Variants in CCDC172 observed in about 807,000 individuals in gnomAD.
CCDC172 encodes coiled-coil domain containing 172, also known as coiled-coil domain-containing protein 172.
CCDC172 carries 30 observed loss-of-function variants against 38.0 expected under a neutral mutation model. That is an observed-to-expected ratio of 0.79 (90% CI 0.59 to 1.07). The LOEUF (loss-of-function observed/expected upper bound fraction) is 1.07, where lower values mean the gene tolerates loss of function less well. Ranked by LOEUF, CCDC172 falls within the 50% of genes least tolerant of loss-of-function variation. CCDC172 has a pLI of 0.00. For missense variants in CCDC172, 297 were observed against 290.1 expected, an observed-to-expected ratio of 1.02 and a Z score of -0.17; for synonymous variants, 78 against 88.3, an observed-to-expected ratio of 0.88 and a Z score of 0.66.
chr10:116,354,927 TAAG>T (rs1241772057), intron 5 of CCDC172, among the ~76,000 whole-genome samples: 1 of 152,210 alleles, frequency 6.6e-6, no homozygotes, highest in Non-Finnish European at 1.5e-5. Flanking sequence ...AAAAAAAGTT[TAAG>T]AAGTAAAACA....
chr10:116,339,489 A>G (rs1476184682), intron 3 of CCDC172, among the ~76,000 whole-genome samples: 1 of 151,806 alleles, frequency 6.6e-6, no homozygotes, highest in Non-Finnish European at 1.5e-5. Flanking sequence ...CTGTCTTCTG[A>G]GACAGAAAAA....
intron 5 of CCDC172, among the ~76,000 whole-genome samples, chr10:116,352,478 T>C (rs930187089): frequency 1.3e-5 from 2 of 152,186 alleles, no homozygotes; most frequent in African/African-American, 4.8e-5. Flanking sequence ...ATTCTAAGTA[T>C]ACTCAAGGAC....
Position 116,379,414 on chromosome 10 carries a change from T to C in CCDC172, c.*56T>C. 1 of 1,237,162 alleles carries C rather than the reference T, an allele frequency of 8.1e-7. No homozygotes were observed. Among genetic ancestry groups the C allele is most frequent in the Non-Finnish European group, 1.1e-6 (1 of 873,604 alleles). The allele number at this position is 1,237,162 out of a possible 1,614,324, so 76.6% of individuals were successfully genotyped here. Reference sequence around the variant, plus strand: ...TTGATCAGAATATCTGAGAATCAAATCTTTGTGATAGATATATGAATGGTA... The same window carrying C: ...TTGATCAGAATATCTGAGAATCAAACCTTTGTGATAGATATATGAATGGTA... On this transcript the variant is annotated 3_prime_UTR_variant, in exon 9 of 9. Coordinates refer to ENST00000333254, the MANE Select transcript of CCDC172 (RefSeq NM_198515.3).
chr10:116,366,651 C>T (rs1473266103), intron 7 of CCDC172, among the ~76,000 whole-genome samples: 4 of 152,114 alleles, frequency 2.6e-5, no homozygotes, highest in African/African-American at 4.8e-5. Context: ...GCTGCTGGTG[C>T]ACATATGCAA....
intron 3 of CCDC172, among the ~76,000 whole-genome samples, chr10:116,330,054 A>G (rs1844640868): frequency 6.6e-6 from 1 of 152,134 alleles, no homozygotes; most frequent in Admixed American, 6.5e-5. Flanking sequence ...CTGAAACGCC[A>G]TTTTTACTTA....
rs191275643 is a variant in CCDC172 at position 116,353,066 on chromosome 10, G to A, written c.449-4314G>A. ...AAATTAGCCGGGCATGGTGGTGGGC[G>A]CCTGTAGTCCCAGCTACTCAGGAGT... On this transcript the variant is annotated intron_variant, in intron 5 of 8. Transcript: ENST00000333254. 1.3e-3 allele frequency among the ~76,000 whole-genome samples: 197 copies of A among 152,058 alleles called. 4 individuals are homozygous for A. The East Asian group carries it at 0.021, about 16-fold the overall frequency.
At chr10:116,356,396 A>AAGGAAGGAAGGAAGGAAGGAAGGG (rs1844997753) in intron 5 of CCDC172, among the ~76,000 whole-genome samples, 1 of 151,614 alleles carries the variant, frequency 6.6e-6, no homozygotes, top group Admixed American at 6.6e-5. Context: ...GGGAGGAAGG[A>AAGGAAGGAAGGAAGGAAGGAAGGG]AGGAAGGAAG....
chr10:116,348,577 C>T (rs1223698580), intron 5 of CCDC172, among the ~76,000 whole-genome samples: 1 of 152,104 alleles, frequency 6.6e-6, no homozygotes, highest in Non-Finnish European at 1.5e-5. Context: ...CCTATTCTTA[C>T]TCCTTGAGAT....
intron 7 of CCDC172, among the ~76,000 whole-genome samples, chr10:116,373,644 A>G: frequency 6.6e-6 from 1 of 152,080 alleles, no homozygotes; most frequent in African/African-American, 2.4e-5. Context: ...AGCTGGGATT[A>G]CAGGCGTGTG....
At chr10:116,347,231 C>T (rs773185582) in intron 5 of CCDC172, among the ~76,000 whole-genome samples, 18 of 152,062 alleles carry the variant, frequency 1.2e-4, no homozygotes, top group Non-Finnish European at 2.2e-4. Flanking sequence ...GAGTCTAAGA[C>T]GGCTTCATGA....
At chr10:116,325,524 A>G (rs1186351226) in intron 3 of CCDC172, 136 bp downstream of exon 3, 1 of 637,360 alleles carries the variant, frequency 1.6e-6, no homozygotes, top group Admixed American at 3.1e-5. Context: ...TTTTAGTTCC[A>G]TGTTGCCTGG....
chr10:116,354,656 G>A (rs545113679), intron 5 of CCDC172, among the ~76,000 whole-genome samples: 14 of 152,314 alleles, frequency 9.2e-5, no homozygotes, highest in East Asian at 5.8e-4. Context: ...CCCAGGAGGC[G>A]GAGGCGGAGG....
intron 7 of CCDC172, among the ~76,000 whole-genome samples, chr10:116,376,634 G>C (rs561700528): frequency 6.7e-6 from 1 of 150,114 alleles, no homozygotes; most frequent in Non-Finnish European, 1.5e-5. Context: ...AAACTTGTAT[G>C]ATATTAGTAC....
chr10:116,325,409 C>T (rs775492195), intron 3 of CCDC172, 21 bp downstream of exon 3: 1 of 1,576,582 alleles, frequency 6.3e-7, no homozygotes, highest in Non-Finnish European at 8.7e-7. Context: ...GTAAAGCATA[C>T]TAATTATCAC....
At chr10:116,361,961 G>T (rs1043364782) in intron 7 of CCDC172, among the ~76,000 whole-genome samples, 2 of 152,156 alleles carry the variant, frequency 1.3e-5, no homozygotes, top group Admixed American at 1.3e-4. Flanking sequence ...GGCCAACGGG[G>T]GCAGATCACG....
intron 7 of CCDC172, among the ~76,000 whole-genome samples, chr10:116,363,171 G>T (rs1589957487): frequency 6.6e-6 from 1 of 152,096 alleles, no homozygotes. Context: ...TTTGGTGTGG[G>T]TTTGGGAAGA....
At chr10:116,376,047 T>C (rs568932489) in intron 7 of CCDC172, among the ~76,000 whole-genome samples, 2 of 152,302 alleles carry the variant, frequency 1.3e-5, no homozygotes, top group East Asian at 3.9e-4. Context: ...GGATTATAAA[T>C]CATTCTGCTC....
intron 3 of CCDC172, among the ~76,000 whole-genome samples, chr10:116,329,491 T>C (rs1325524054): frequency 6.6e-6 from 1 of 152,168 alleles, no homozygotes; most frequent in Non-Finnish European, 1.5e-5. Flanking sequence ...GTGGGACTTT[T>C]AGTGCTAACA....
intron 5 of CCDC172, among the ~76,000 whole-genome samples, chr10:116,356,216 G>A (rs1188212943): frequency 6.6e-6 from 1 of 152,030 alleles, no homozygotes; most frequent in Non-Finnish European, 1.5e-5. Context: ...TGTAATCGCA[G>A]CTGCTTAGGA....
Sources: allele counts gnomAD v4.1 joint callset (sites outside exome capture counted in the v4.1 genomes callset), GRCh38; gene constraint gnomAD v4.1.1; transcripts MANE v1.5; gene names NCBI Gene and HGNC (gene_info 2026-07-23, HGNC 2026-07-21).